USP46: variants seen among roughly 807,000 people sequenced by gnomAD.
USP46 encodes ubiquitin carboxyl-terminal hydrolase 46.
A neutral mutation model predicts 44.4 loss-of-function variants in USP46; 12 were observed. The observed-to-expected ratio is 0.27, with a 90% CI of 0.17 to 0.44. The LOEUF is 0.44. USP46 is among the 20% of genes least tolerant of loss of function. The probability of loss-of-function intolerance (pLI) is 1.00; values close to 1 mark genes in which losing one functional copy is unlikely to be tolerated. For synonymous variants in USP46, 155 were observed against 161.5 expected, an observed-to-expected ratio of 0.96 and a Z score of 0.31; for missense variants, 248 against 444.8, an observed-to-expected ratio of 0.56 and a Z score of 3.98.
At chr4:52,656,494 C>T in intron 1 of USP46, 1 of 1,451,180 alleles carries the variant, frequency 6.9e-7, no homozygotes, top group South Asian at 1.5e-5. Flanking sequence ...TCCAGCCTTC[C>T]TATACATGGG....
At chr4:52,639,704 A>T (rs1427594448) in intron 1 of USP46, among the ~76,000 whole-genome samples, 1 of 149,622 alleles carries the variant, frequency 6.7e-6, no homozygotes, top group East Asian at 2.0e-4. Context: ...TGAAAAGTGA[A>T]TTTTTTTTTT....
chr4:52,654,255 C>T (rs534616333), intron 1 of USP46, among the ~76,000 whole-genome samples: 53 of 152,316 alleles, frequency 3.5e-4, no homozygotes, highest in African/African-American at 1.2e-3. Context: ...TATGACTTTA[C>T]ACCTAGCTGA....
At chr4:52,612,363 A>G (rs910703399) in intron 4 of USP46, among the ~76,000 whole-genome samples, 4 of 152,218 alleles carry the variant, frequency 2.6e-5, no homozygotes, top group Non-Finnish European at 5.9e-5. Flanking sequence ...AGAATGCATT[A>G]GTAGCCCCAA....
At chr4:52,644,875 G>A (rs1308639067) in intron 1 of USP46, among the ~76,000 whole-genome samples, 1 of 151,852 alleles carries the variant, frequency 6.6e-6, no homozygotes, top group East Asian at 1.9e-4. Context: ...AACCAATATG[G>A]TGACACCCCG....
intron 7 of USP46, among the ~76,000 whole-genome samples, chr4:52,600,317 T>C (rs1340327346): frequency 6.6e-6 from 1 of 152,120 alleles, no homozygotes; most frequent in Non-Finnish European, 1.5e-5. Context: ...CAGGAGGTCC[T>C]GGCATGGAAG....
At chr4:52,654,093 C>T (rs569647186) in intron 1 of USP46, among the ~76,000 whole-genome samples, 3 of 152,042 alleles carry the variant, frequency 2.0e-5, no homozygotes, top group Admixed American at 6.5e-5. Context: ...CAGAAAAATC[C>T]GCAGAACTAA....
At chr4:52,617,253 G>A (rs1335841538) in intron 4 of USP46, among the ~76,000 whole-genome samples, 1 of 152,142 alleles carries the variant, frequency 6.6e-6, no homozygotes, top group Non-Finnish European at 1.5e-5. Context: ...TTAATTAGCA[G>A]AACTTTTTTC....
At chr4:52,600,111 G>A (rs1440626200) in intron 7 of USP46, among the ~76,000 whole-genome samples, 1 of 152,192 alleles carries the variant, frequency 6.6e-6, no homozygotes, top group Non-Finnish European at 1.5e-5. Context: ...GGGGGTAGCA[G>A]GGTGGTGTGT....
chr4:52,613,137 A>G (rs998996004), intron 4 of USP46, among the ~76,000 whole-genome samples: 1 of 152,214 alleles, frequency 6.6e-6, no homozygotes, highest in African/African-American at 2.4e-5. Context: ...CATGGCCTTT[A>G]GCTTGGGGTG....
At chr4:52,604,286 A>G (rs932971497) in intron 6 of USP46, among the ~76,000 whole-genome samples, 1 of 152,250 alleles carries the variant, frequency 6.6e-6, no homozygotes, top group Non-Finnish European at 1.5e-5. Flanking sequence ...ATAAACAAAT[A>G]AGTAAACAAT....
intron 1 of USP46, among the ~76,000 whole-genome samples, chr4:52,653,140 T>C (rs1404223039): frequency 6.6e-6 from 1 of 152,132 alleles, no homozygotes; most frequent in African/African-American, 2.4e-5. Flanking sequence ...CTTCAAGCCA[T>C]AGTCCCAGAA....
At chr4:52,622,644 T>C (rs534479328) in intron 4 of USP46, among the ~76,000 whole-genome samples, 42 of 152,266 alleles carry the variant, frequency 2.8e-4, no homozygotes, top group African/African-American at 9.1e-4. Context: ...GAAATACATA[T>C]AGATAAATAT....
At position 52,659,065 on chromosome 4, in the gene USP46, T is replaced by C; in HGVS notation, c.36+50A>G. The C allele has an allele frequency of 6.5e-7, 1 of 1,528,638 alleles. No homozygotes were observed. The highest frequency in any genetic ancestry group is 1.2e-5 in the South Asian group (1 of 81,960). The allele number at this position is 1,528,638 out of a possible 1,614,324, so 94.7% of individuals were successfully genotyped here. A position where few individuals can be genotyped will look rare whatever the true frequency, so the allele number is the denominator to read the frequency against. ...TGTGTGCAGCTCGGGCTTCCCTTTC[T>C]TTGCCTCGCCGCGAGTCGGGCGCGA... On this transcript the variant is annotated intron_variant, in intron 1 of 8. Coordinates refer to ENST00000441222, the MANE Select transcript of USP46 (RefSeq NM_022832.4). The surrounding 1 kb of genome is among the most constrained non-coding windows in gnomAD (Gnocchi z 4.2).
chr4:52,622,883 A>C (rs545223100), intron 4 of USP46, among the ~76,000 whole-genome samples: 1 of 152,356 alleles, frequency 6.6e-6, no homozygotes, highest in South Asian at 2.1e-4. Flanking sequence ...GAGAAGCTAC[A>C]CTGAAGCTAG....
chr4:52,602,251 A>C (rs575836070), intron 6 of USP46, among the ~76,000 whole-genome samples, 197 bp from the exon 7 acceptor site: 1 of 152,334 alleles, frequency 6.6e-6, no homozygotes, highest in East Asian at 1.9e-4. Context: ...TCCCAGCAGG[A>C]GAAATGTACA....
In USP46 at chr4:52,614,892, T is replaced by G. The variant is rs1346282026; in HGVS notation, c.562-4275A>C. The stretch of plus-strand genomic sequence containing the variant: ...AGTGGGAGCAGAGGGAATATACACC[T>G]ATATATTTATATGCTTTCTACATTT... On this transcript the variant is annotated intron_variant, in intron 4 of 8. Transcript: ENST00000441222. 2.6e-5 allele frequency among the ~76,000 whole-genome samples: 4 copies of G among 152,170 alleles called. No homozygotes were observed. The East Asian group carries it at 7.7e-4, about 29-fold the overall frequency.
chr4:52,623,966 TG>T (rs780537125), intron 4 of USP46, among the ~76,000 whole-genome samples: 5 of 151,536 alleles, frequency 3.3e-5, no homozygotes, highest in Admixed American at 6.6e-5. Context: ...AAGAGTAGGG[TG>T]GTAGAAACAT....
intron 7 of USP46, 134 bp downstream of exon 7, chr4:52,601,723 T>C (rs1022569955): frequency 1.7e-5 from 13 of 778,158 alleles, no homozygotes; most frequent in Non-Finnish European, 2.4e-5. Context: ...TTTTTTGTGA[T>C]GATCAGTAAG....
At chr4:52,611,321 C>A (rs1230005888) in intron 4 of USP46, among the ~76,000 whole-genome samples, 4 of 152,232 alleles carry the variant, frequency 2.6e-5, no homozygotes, top group Admixed American at 2.6e-4. Flanking sequence ...CCTTCAACAG[C>A]TCACTCCACA....
Sources: gnomAD v4.1 joint callset for allele counts (sites outside exome capture counted in the v4.1 genomes callset) on GRCh38, gnomAD v4.1.1 for gene constraint, Gnocchi (gnomAD v3.1) non-coding constraint, MANE v1.5 for transcripts, NCBI Gene and HGNC (gene_info 2026-07-23, HGNC 2026-07-21) for gene names.